The following PDZRN4 variants were observed in gnomAD, a reference collection of about 807,000 sequenced individuals.
The protein encoded by PDZRN4 is PDZ domain-containing RING finger protein 4.
Under a neutral mutation model 99.0 loss-of-function variants are expected in PDZRN4, and 70 were observed. The ratio of observed to expected loss-of-function variants is 0.71; its 90% CI spans 0.58 to 0.86. The LOEUF (loss-of-function observed/expected upper bound fraction) is 0.86. PDZRN4 is among the 40% of genes least tolerant of loss of function. The pLI is 0.00. For synonymous variants in PDZRN4, 551 were observed against 501.6 expected, an observed-to-expected ratio of 1.10 and a Z score of -1.32; for missense variants, 1,474 against 1,331.2, an observed-to-expected ratio of 1.11 and a Z score of -1.67.
At chr12:41,291,484 A>T (rs1406923162) in intron 3 of PDZRN4, among the ~76,000 whole-genome samples, 2 of 152,184 alleles carry the variant, frequency 1.3e-5, no homozygotes, top group Non-Finnish European at 2.9e-5. Flanking sequence ...AATTGGGAAT[A>T]ATGACTTTCA....
intron 3 of PDZRN4, among the ~76,000 whole-genome samples, chr12:41,258,623 A>G (rs1438878782): frequency 6.6e-6 from 1 of 152,200 alleles, no homozygotes; most frequent in Non-Finnish European, 1.5e-5. Context: ...AAAACGTGAA[A>G]CTACATATAA....
intron 5 of PDZRN4, among the ~76,000 whole-genome samples, chr12:41,550,125 C>A (rs1023944869): frequency 6.6e-6 from 1 of 152,144 alleles, no homozygotes; most frequent in Non-Finnish European, 1.5e-5. Context: ...AATTTTATTG[C>A]CAAAAAGTTG....
intron 3 of PDZRN4, among the ~76,000 whole-genome samples, chr12:41,419,295 T>C (rs985552506): frequency 1.3e-5 from 2 of 152,162 alleles, no homozygotes; most frequent in East Asian, 3.9e-4. Context: ...TAAGTACCTG[T>C]ACAATAGTGT....
chr12:41,391,483 A>G (rs1406082622), intron 3 of PDZRN4, among the ~76,000 whole-genome samples: 1 of 152,198 alleles, frequency 6.6e-6, no homozygotes, highest in Non-Finnish European at 1.5e-5. Flanking sequence ...CTGGTCACCC[A>G]GAATCTGTGG....
intron 5 of PDZRN4, among the ~76,000 whole-genome samples, chr12:41,536,595 G>A (rs2120754261): frequency 6.6e-6 from 1 of 152,130 alleles, no homozygotes; most frequent in Admixed American, 6.5e-5. Context: ...ATGATGATGT[G>A]TTAATGTAGT....
chr12:41,568,777 A>G lies in PDZRN4; in HGVS notation c.1584+878A>G, dbSNP rs1939424187. Among the ~76,000 whole-genome samples, 3 of 151,220 alleles carry G rather than the reference A, an allele frequency of 2.0e-5. No homozygotes were observed. The Admixed American group carries it at 2.0e-4, about 10-fold the overall frequency. On this transcript the variant is annotated intron_variant, in intron 9 of 9. Transcript: ENST00000402685. ...TTTCAGTTTACTGATTTGTTTAATT[A>G]TCTTCCTATTCTCAACATTATTATA...
At chr12:41,566,301 G>T (rs1394087867) in intron 8 of PDZRN4, among the ~76,000 whole-genome samples, 3 of 152,084 alleles carry the variant, frequency 2.0e-5, no homozygotes, top group Non-Finnish European at 4.4e-5. Flanking sequence ...CCTGATTAAA[G>T]AAAAATTCCT....
intron 3 of PDZRN4, among the ~76,000 whole-genome samples, chr12:41,332,744 TAA>T (rs3046824): frequency 0.45 from 53,099 of 118,046 alleles, 12,109 homozygotes; most frequent in East Asian, 0.75. Context: ...AGAGGAGGAT[TAA>T]AAAAAAAAAA....
At chr12:41,341,240 C>A (rs902414276) in intron 3 of PDZRN4, among the ~76,000 whole-genome samples, 3 of 151,288 alleles carry the variant, frequency 2.0e-5, no homozygotes, top group African/African-American at 7.3e-5. Context: ...GTATGACAAA[C>A]CTGTAGCTAA....
intron 3 of PDZRN4, among the ~76,000 whole-genome samples, chr12:41,463,431 T>A (rs920378160): frequency 3.3e-5 from 5 of 152,106 alleles, no homozygotes; most frequent in Admixed American, 2.0e-4. Context: ...TTTTGAGGAT[T>A]TCATCCTCAG....
At chr12:41,463,224 C>T (rs1254657478) in intron 3 of PDZRN4, among the ~76,000 whole-genome samples, 4 of 152,132 alleles carry the variant, frequency 2.6e-5, no homozygotes, top group Non-Finnish European at 5.9e-5. Context: ...ACTGGACAAA[C>T]GGCTGATTTG....
intron 5 of PDZRN4, among the ~76,000 whole-genome samples, chr12:41,515,938 C>T (rs930462212): frequency 1.3e-5 from 2 of 151,964 alleles, no homozygotes; most frequent in African/African-American, 4.8e-5. Context: ...GGAACCCTCT[C>T]ACCACCTCAC....
At chr12:41,242,449 C>T (rs950769409) in intron 3 of PDZRN4, among the ~76,000 whole-genome samples, 6 of 152,094 alleles carry the variant, frequency 3.9e-5, no homozygotes, top group Admixed American at 2.0e-4. Flanking sequence ...ATATTGGATG[C>T]GATGTTAATA....
intron 3 of PDZRN4, among the ~76,000 whole-genome samples, chr12:41,204,842 T>C (rs1263563218): frequency 1.3e-5 from 2 of 151,924 alleles, no homozygotes; most frequent in Non-Finnish European, 1.5e-5. Flanking sequence ...AGAAGTACTA[T>C]TGACACTGGA....
At chr12:41,409,120 AT>A (rs1462223759) in intron 3 of PDZRN4, among the ~76,000 whole-genome samples, 4 of 152,194 alleles carry the variant, frequency 2.6e-5, no homozygotes, top group Admixed American at 2.6e-4. Flanking sequence ...AGAGTTGAAG[AT>A]GATAAAATGT....
intron 3 of PDZRN4, among the ~76,000 whole-genome samples, chr12:41,303,378 T>C (rs1210634808): frequency 6.6e-6 from 1 of 152,186 alleles, no homozygotes; most frequent in East Asian, 1.9e-4. Flanking sequence ...TTATGTATGA[T>C]CTCATGCCTA....
chr12:41,218,789 T>C (rs1950936942), intron 3 of PDZRN4, among the ~76,000 whole-genome samples: 1 of 152,142 alleles, frequency 6.6e-6, no homozygotes, highest in African/African-American at 2.4e-5. Flanking sequence ...TAATTTCTGT[T>C]CCTTTATGGC....
intron 3 of PDZRN4, among the ~76,000 whole-genome samples, chr12:41,262,356 T>C (rs906488903): frequency 1.3e-4 from 20 of 152,178 alleles, no homozygotes; most frequent in Non-Finnish European, 2.8e-4. Flanking sequence ...ATACATTTGG[T>C]TCTGTTTAAG....
intron 3 of PDZRN4, chr12:41,409,507 T>A (rs1952376794): frequency 6.6e-6 from 1 of 152,228 alleles, no homozygotes; most frequent in African/African-American, 2.4e-5. Context: ...TAGAACTTAC[T>A]GATATGAGGT....
Sources: gnomAD v4.1 joint callset for allele counts (sites outside exome capture counted in the v4.1 genomes callset) on GRCh38, gnomAD v4.1.1 for gene constraint, MANE v1.5 for transcripts, NCBI Gene and HGNC (gene_info 2026-07-23, HGNC 2026-07-21) for gene names.